Variants in KIAA1328 observed in about 807,000 individuals in gnomAD.
KIAA1328 encodes the protein protein hinderin.
KIAA1328 carries 52 observed loss-of-function variants against 68.1 expected under a neutral mutation model. The ratio of observed to expected loss-of-function variants is 0.76; its 90% CI spans 0.61 to 0.96. The LOEUF (loss-of-function observed/expected upper bound fraction) is 0.96. Among genes scored for constraint, KIAA1328 ranks in the 40% least tolerant of loss-of-function variants. The probability of loss-of-function intolerance (pLI) is 0.00; values close to 1 mark genes in which losing one functional copy is unlikely to be tolerated. For missense variants in KIAA1328, 641 were observed against 677.6 expected, an observed-to-expected ratio of 0.95 and a Z score of 0.60; for synonymous variants, 232 against 239.4, an observed-to-expected ratio of 0.97 and a Z score of 0.28.
chr18:36,930,834 T>C (rs959008549), intron 5 of KIAA1328, among the ~76,000 whole-genome samples: 2 of 152,084 alleles, frequency 1.3e-5, no homozygotes, highest in Non-Finnish European at 2.9e-5. Context: ...CTAATTCTTC[T>C]TATATTTAAA....
intron 5 of KIAA1328, among the ~76,000 whole-genome samples, chr18:36,924,747 T>A (rs2050051074): frequency 6.6e-6 from 1 of 151,788 alleles, no homozygotes; most frequent in African/African-American, 2.4e-5. Flanking sequence ...TTATTAGGTA[T>A]AGAAAGATAG....
chr18:36,983,908 T>C (rs2052799683), intron 6 of KIAA1328, among the ~76,000 whole-genome samples: 1 of 152,148 alleles, frequency 6.6e-6, no homozygotes, highest in South Asian at 2.1e-4. Flanking sequence ...AATATTTCCT[T>C]ATTTAGTGCC....
At chr18:37,138,756 T>A (rs1242249010) in intron 7 of KIAA1328, among the ~76,000 whole-genome samples, 1 of 152,146 alleles carries the variant, frequency 6.6e-6, no homozygotes, top group East Asian at 1.9e-4. Context: ...TTCTTCCTTT[T>A]TACCTGTAAA....
chr18:37,120,763 G>A (rs1008152604), intron 7 of KIAA1328, among the ~76,000 whole-genome samples: 1 of 152,060 alleles, frequency 6.6e-6, no homozygotes, highest in East Asian at 1.9e-4. Context: ...ATCATAAGTG[G>A]TTTATGTGCA....
chr18:36,863,990 A>G (rs140625074), intron 4 of KIAA1328, among the ~76,000 whole-genome samples: 170 of 152,268 alleles, frequency 1.1e-3, no homozygotes, highest in African/African-American at 3.9e-3. Flanking sequence ...TCCAATAGGT[A>G]TCTCTTTTAT....
At chr18:36,972,754 C>T (rs1012118087) in intron 6 of KIAA1328, among the ~76,000 whole-genome samples, 2 of 152,188 alleles carry the variant, frequency 1.3e-5, no homozygotes, top group African/African-American at 2.4e-5. Flanking sequence ...TCTCCTGTCC[C>T]GTTCCTGTCC....
At chr18:37,009,022 G>A (rs555783463) in intron 6 of KIAA1328, among the ~76,000 whole-genome samples, 1 of 152,260 alleles carries the variant, frequency 6.6e-6, no homozygotes, top group South Asian at 2.1e-4. Flanking sequence ...CAAAGGAAAA[G>A]GCAACTTCTG....
At chr18:37,084,475 TG>T (rs368270373) in intron 7 of KIAA1328, 41 of 255,770 alleles carry the variant, frequency 1.6e-4, no homozygotes, top group East Asian at 1.2e-3. Flanking sequence ...TTTTGTTTTT[TG>T]TTTTTTTTTT....
chr18:37,218,580 A>G (rs1432166228), intron 9 of KIAA1328, among the ~76,000 whole-genome samples: 1 of 152,142 alleles, frequency 6.6e-6, no homozygotes, highest in Non-Finnish European at 1.5e-5. Flanking sequence ...AGTCACTGAT[A>G]CCCTTTCTTC....
chr18:36,835,064 A>G (rs1363709032), intron 2 of KIAA1328, among the ~76,000 whole-genome samples, 170 bp from the exon 3 acceptor site: 6 of 152,316 alleles, frequency 3.9e-5, no homozygotes, highest in Admixed American at 6.5e-5. Flanking sequence ...TCTTTAAAAC[A>G]TATTCTTTTT....
intron 5 of KIAA1328, among the ~76,000 whole-genome samples, chr18:36,917,922 C>G (rs539572549): frequency 1.3e-5 from 2 of 152,188 alleles, no homozygotes; most frequent in African/African-American, 4.8e-5. Context: ...ACCTCCCCTC[C>G]CATTTTTCCT....
At chr18:37,030,516 T>G (rs1338258951) in intron 6 of KIAA1328, among the ~76,000 whole-genome samples, 1 of 152,176 alleles carries the variant, frequency 6.6e-6, no homozygotes, top group African/African-American at 2.4e-5. Context: ...AAAATGTGTC[T>G]TCCACAATTT....
chr18:36,983,610 A>G (rs879650374), intron 6 of KIAA1328, among the ~76,000 whole-genome samples: 7 of 152,130 alleles, frequency 4.6e-5, no homozygotes, highest in Non-Finnish European at 1.0e-4. Context: ...ATATCTGTTA[A>G]GGAAATTGAA....
chr18:36,947,616 C>T (rs1012763718), intron 5 of KIAA1328, among the ~76,000 whole-genome samples: 5 of 152,056 alleles, frequency 3.3e-5, no homozygotes, highest in Non-Finnish European at 5.9e-5. Flanking sequence ...TTTTATTATG[C>T]CTCATAGGTG....
At chr18:36,944,644 G>A (rs1880646852) in intron 5 of KIAA1328, among the ~76,000 whole-genome samples, 2 of 152,134 alleles carry the variant, frequency 1.3e-5, no homozygotes, top group South Asian at 4.1e-4. Context: ...ATTATCTTAG[G>A]GAGTATGTCC....
intron 4 of KIAA1328, among the ~76,000 whole-genome samples, chr18:36,879,399 C>T (rs2048253668): frequency 1.3e-5 from 2 of 152,184 alleles, no homozygotes; most frequent in African/African-American, 4.8e-5. Flanking sequence ...CTGAAAGCTT[C>T]CTCACAGAGG....
chr18:36,943,496 C>T (rs897918906), intron 5 of KIAA1328, among the ~76,000 whole-genome samples: 15 of 152,164 alleles, frequency 9.9e-5, no homozygotes, highest in African/African-American at 3.6e-4. Context: ...GTCCAGTAGT[C>T]TTGCAATACC....
At position 37,110,203 on chromosome 18, in the gene KIAA1328, A is replaced by G. The variant is rs78825858; in HGVS notation, c.1232+42658A>G. ...GTTACTGGATATTATGGTCTAATTG[A>G]TAAAATATATCCAGGCCAAGATTTT... On this transcript the variant is annotated intron_variant, in intron 7 of 9. Coordinates refer to ENST00000280020, the MANE Select transcript of KIAA1328 (RefSeq NM_020776.3). 1.2e-4 allele frequency among the ~76,000 whole-genome samples: 19 copies of G among 152,256 alleles called. No individual in the cohort carries two copies. In the East Asian group the frequency reaches 3.7e-3, roughly 29 times the overall value.
intron 5 of KIAA1328, among the ~76,000 whole-genome samples, chr18:36,923,035 T>A (rs1445103480): frequency 6.6e-6 from 1 of 152,136 alleles, no homozygotes; most frequent in African/African-American, 2.4e-5. Flanking sequence ...TTTCCTTTAA[T>A]TTTTTCTTAC....
Sources: gnomAD v4.1 joint callset for allele counts (sites outside exome capture counted in the v4.1 genomes callset) on GRCh38, gnomAD v4.1.1 for gene constraint, MANE v1.5 for transcripts, NCBI Gene and HGNC (gene_info 2026-07-23, HGNC 2026-07-21) for gene names.